The following EBF1 variants were observed in gnomAD, a reference collection of about 807,000 sequenced individuals.
EBF1 encodes the protein EBF transcription factor 1, also known as transcription factor COE1.
Under a neutral mutation model 68.4 loss-of-function variants are expected in EBF1, and 10 were observed. That is an observed-to-expected ratio of 0.15 (90% CI 0.09 to 0.25). The LOEUF (loss-of-function observed/expected upper bound fraction) is 0.25. Among genes scored for constraint, EBF1 ranks in the 10% least tolerant of loss-of-function variants. The pLI is 1.00. For missense variants in EBF1, 509 were observed against 794.4 expected (o/e 0.64, Z 4.32); for synonymous variants, 298 against 299.8 (o/e 0.99, Z 0.06).
At chr5:158,780,631 G>C (rs1776272368) in intron 9 of EBF1, among the ~76,000 whole-genome samples, 1 of 152,120 alleles carries the variant, frequency 6.6e-6, no homozygotes, top group South Asian at 2.1e-4. Context: ...ATAAATTATA[G>C]CTAGATATTG....
chr5:158,906,436 T>C (rs1445459053), intron 6 of EBF1, among the ~76,000 whole-genome samples: 1 of 152,104 alleles, frequency 6.6e-6, no homozygotes, highest in Non-Finnish European at 1.5e-5. Flanking sequence ...AAAATTCAGT[T>C]TAATGAGATG....
Position 158,697,962 on chromosome 5 carries a change from C to T in EBF1, c.*1149G>A, listed in dbSNP as rs1043996694. 1 of 210,394 alleles carries T rather than the reference C, an allele frequency of 4.8e-6. No homozygotes were observed. The highest frequency in any genetic ancestry group is 9.6e-6 in the Non-Finnish European group (1 of 103,714). The allele number at this position is 210,394 out of a possible 1,614,324, so 13.0% of individuals were successfully genotyped here. ...TCTCAACCTTCTTTTCCTTTCTCCACCCCCGGTTCCCTTTAACTCTTAATT... is the reference window on the plus strand; with the variant it reads ...TCTCAACCTTCTTTTCCTTTCTCCATCCCCGGTTCCCTTTAACTCTTAATT... On this transcript the variant is annotated 3_prime_UTR_variant, in exon 16 of 16. Coordinates refer to ENST00000313708, the MANE Select transcript of EBF1 (RefSeq NM_024007.5).
chr5:159,072,700 T>C (rs1441420024), intron 6 of EBF1, among the ~76,000 whole-genome samples: 1 of 152,222 alleles, frequency 6.6e-6, no homozygotes, highest in African/African-American at 2.4e-5. Context: ...AAAATGAATA[T>C]TTGGAATGCG....
chr5:158,801,106 A>T (rs1185999887), intron 8 of EBF1, among the ~76,000 whole-genome samples: 1 of 152,000 alleles, frequency 6.6e-6, no homozygotes, highest in East Asian at 1.9e-4. Context: ...ACCAGCCACG[A>T]AAGTAGAGGA....
intron 6 of EBF1, among the ~76,000 whole-genome samples, chr5:158,844,287 G>A (rs551056978): frequency 1.1e-3 from 158 of 147,598 alleles, no homozygotes; most frequent in African/African-American, 3.9e-3. Flanking sequence ...TTGTGTTCAT[G>A]TAATGCGTTA....
At chr5:158,922,541 A>G (rs1451710243) in intron 6 of EBF1, among the ~76,000 whole-genome samples, 1 of 152,242 alleles carries the variant, frequency 6.6e-6, no homozygotes, top group Non-Finnish European at 1.5e-5. Flanking sequence ...ATCACTCTAG[A>G]AATTAGCACA....
intron 6 of EBF1, among the ~76,000 whole-genome samples, chr5:158,857,015 G>A (rs1164683117): frequency 6.6e-6 from 1 of 152,064 alleles, no homozygotes; most frequent in African/African-American, 2.4e-5. Context: ...CCTTTCTTCT[G>A]CCCTTGAAAC....
At chr5:159,076,084 C>CAT (rs1482134692) in intron 5 of EBF1, among the ~76,000 whole-genome samples, 2 of 151,448 alleles carry the variant, frequency 1.3e-5, no homozygotes, top group Admixed American at 1.3e-4. Context: ...TATATTTTTA[C>CAT]ATATATGTGT....
intron 8 of EBF1, among the ~76,000 whole-genome samples, chr5:158,797,137 CTG>C (rs1779736369): frequency 6.6e-6 from 1 of 152,190 alleles, no homozygotes; most frequent in Non-Finnish European, 1.5e-5. Flanking sequence ...CTTTGCTTTG[CTG>C]TCTTTCCCAG....
intron 6 of EBF1, among the ~76,000 whole-genome samples, chr5:159,022,313 C>A (rs1201739233): frequency 5.3e-5 from 8 of 152,228 alleles, no homozygotes. Flanking sequence ...GGCTACCCGG[C>A]CGCCTGTGTC....
Position 158,872,032 on chromosome 5 carries a change from G to T in EBF1, c.555-31922C>A, listed in dbSNP as rs143750008. ...TAAGAATATGGAAAGTCAGTGGAAAGAATTTTACAAAACATACTTCACAAC... is the reference window on the plus strand; with the variant it reads ...TAAGAATATGGAAAGTCAGTGGAAATAATTTTACAAAACATACTTCACAAC... On this transcript the variant is annotated intron_variant, in intron 6 of 15. Coordinates refer to ENST00000313708, the MANE Select transcript of EBF1 (RefSeq NM_024007.5). Among the ~76,000 whole-genome samples the T allele has an allele frequency of 9.5e-3, 1,441 of 152,256 alleles. 15 individuals are homozygous for T. The highest frequency in any genetic ancestry group is 0.016 in the Non-Finnish European group (1,069 of 67,992).
In EBF1 at chr5:158,703,580, G is replaced by T. The variant is rs189946454; in HGVS notation, c.1744+4399C>A. Among the ~76,000 whole-genome samples the T allele has an allele frequency of 2.9e-5, 4 of 137,844 alleles. No homozygotes were observed. The East Asian group carries it at 8.6e-4, about 30-fold the overall frequency. 90.4% of individuals were successfully genotyped at this position (137,844 alleles called of 152,430 possible). ...CAGGACATTTTGTGAGGCTCCAGAA[G>T]TTGAGACTAGAGTTGCTTTTTCAAA... is the stretch of plus-strand genomic sequence containing the variant. On this transcript the variant is annotated intron_variant, in intron 15 of 15. Transcript: ENST00000313708.
intron 6 of EBF1, among the ~76,000 whole-genome samples, chr5:158,876,355 C>T (rs1167615476): frequency 6.6e-6 from 1 of 152,128 alleles, no homozygotes; most frequent in African/African-American, 2.4e-5. Flanking sequence ...TACCCTCAAT[C>T]CCACGACCCC....
At chr5:158,936,285 A>C (rs906990477) in intron 6 of EBF1, among the ~76,000 whole-genome samples, 2 of 152,220 alleles carry the variant, frequency 1.3e-5, no homozygotes, top group African/African-American at 4.8e-5. Flanking sequence ...CCACATATAT[A>C]TAGCAGAGAG....
intron 14 of EBF1, among the ~76,000 whole-genome samples, chr5:158,711,152 T>G (rs554925285): frequency 2.0e-5 from 3 of 152,240 alleles, no homozygotes; most frequent in South Asian, 2.1e-4. Flanking sequence ...TGGAAAAGTG[T>G]TTTGATTTGT....
rs1808759924 is a variant in EBF1 at position 158,922,933 on chromosome 5, C to CAAA, written c.555-82824_555-82823insTTT. Reference sequence around the variant, plus strand: ...ATTCACAATGGACTTTTTGAGAATTCAAGTGGCCACTTGTATCTGCAAAGT... The same window carrying CAAA: ...ATTCACAATGGACTTTTTGAGAATTCAAAAAGTGGCCACTTGTATCTGCAAAGT... On this transcript the variant is annotated intron_variant, in intron 6 of 15. Transcript: ENST00000313708. Among the ~76,000 whole-genome samples the CAAA allele has an allele frequency of 2.0e-5, 3 of 152,278 alleles. No individual in the cohort carries two copies. In the South Asian group the frequency reaches 6.2e-4, roughly 32 times the overall value.
intron 6 of EBF1, among the ~76,000 whole-genome samples, chr5:158,893,537 A>G (rs1450566403): frequency 6.6e-6 from 1 of 152,200 alleles, no homozygotes; most frequent in Admixed American, 6.6e-5. Flanking sequence ...AAATCCCCCC[A>G]AAACACAGGG....
At position 158,699,567 on chromosome 5, in the gene EBF1, T is replaced by C. The variant is rs148943573; in HGVS notation, c.1745-425A>G. Among the ~76,000 whole-genome samples the C allele has an allele frequency of 6.7e-3, 1,021 of 152,292 alleles. 3 individuals carry two copies. Among genetic ancestry groups the C allele is most frequent in the Admixed American group, 0.013 (200 of 15,304 alleles). ...GTCCATCCAAACTGCAAGCAGTTTC[T>C]ACAAAAAACTTGGCATTCCCTATCC... On this transcript the variant is annotated intron_variant, in intron 15 of 15. Transcript: ENST00000313708.
chr5:158,732,207 G>A (rs1764238680), intron 10 of EBF1, among the ~76,000 whole-genome samples: 1 of 152,108 alleles, frequency 6.6e-6, no homozygotes, highest in African/African-American at 2.4e-5. Flanking sequence ...GACAGTCTGT[G>A]TAGTTCTGAC....
Sources: gnomAD v4.1 joint callset for allele counts (sites outside exome capture counted in the v4.1 genomes callset) on GRCh38, gnomAD v4.1.1 for gene constraint, MANE v1.5 for transcripts, NCBI Gene and HGNC (gene_info 2026-07-23, HGNC 2026-07-21) for gene names.